Variants in PRKCA observed in about 807,000 individuals in gnomAD.
PRKCA encodes protein kinase C alpha.
Under a neutral mutation model 87.0 loss-of-function variants are expected in PRKCA, and 27 were observed. That is an observed-to-expected ratio of 0.31 (90% CI 0.23 to 0.43). The LOEUF (loss-of-function observed/expected upper bound fraction) is 0.43, where lower values mean the gene tolerates loss of function less well. Among genes scored for constraint, PRKCA ranks in the 20% least tolerant of loss-of-function variants. The pLI, the probability that PRKCA is intolerant of heterozygous loss-of-function variation, is 1.00. For synonymous variants in PRKCA, 329 were observed against 311.1 expected, an observed-to-expected ratio of 1.06 and a Z score of -0.61; for missense variants, 518 against 852.3, an observed-to-expected ratio of 0.61 and a Z score of 4.88.
intron 2 of PRKCA, among the ~76,000 whole-genome samples, chr17:66,470,389 C>A (rs4133864): frequency 0.075 from 9,256 of 123,152 alleles, 982 homozygotes; most frequent in African/African-American, 0.25. Flanking sequence ...CCACCATGCC[C>A]GTCTATTTTT....
chr17:66,733,070 G>T (rs1390087236), intron 9 of PRKCA, among the ~76,000 whole-genome samples: 1 of 149,384 alleles, frequency 6.7e-6, no homozygotes, highest in African/African-American at 2.5e-5. Flanking sequence ...AGAATGGCGT[G>T]AACCTGGGAG....
rs558043142 is a variant in PRKCA at position 66,411,552 on chromosome 17, G to C, written c.206-84649G>C. 1.3e-3 allele frequency among the ~76,000 whole-genome samples: 192 copies of C among 152,260 alleles called. 1 individual carries two copies. The highest frequency in any genetic ancestry group is 4.2e-3 in the African/African-American group (174 of 41,546). The stretch of plus-strand genomic sequence containing the variant: ...CAAGGCATGGTCTGTGGACTGCCGG[G>C]AGTCTACAAGACCAGAGGGTCTTTA... On this transcript the variant is annotated intron_variant, in intron 2 of 16. Transcript: ENST00000413366.
chr17:66,372,876 G>T (rs1909197815), intron 2 of PRKCA, among the ~76,000 whole-genome samples: 1 of 152,090 alleles, frequency 6.6e-6, no homozygotes, highest in Admixed American at 6.6e-5. Flanking sequence ...GCCCAACACG[G>T]TGAAAACCCT....
At chr17:66,556,323 C>CTTTTTTTTTT (rs61549626) in intron 3 of PRKCA, among the ~76,000 whole-genome samples, 2 of 129,000 alleles carry the variant, frequency 1.6e-5, no homozygotes, top group African/African-American at 2.9e-5. Context: ...CTTTCTTCTT[C>CTTTTTTTTTT]TTTTTTTTTT....
At chr17:66,342,633 A>T (rs1308527638) in intron 2 of PRKCA, among the ~76,000 whole-genome samples, 1 of 152,030 alleles carries the variant, frequency 6.6e-6, no homozygotes, top group Non-Finnish European at 1.5e-5. Context: ...AGTGTAACAG[A>T]GCCAAAGTCT....
chr17:66,333,811 G>A (rs2143300200), intron 2 of PRKCA, among the ~76,000 whole-genome samples: 1 of 152,218 alleles, frequency 6.6e-6, no homozygotes, highest in Admixed American at 6.5e-5. Context: ...TAACTTCGGA[G>A]AGTCTTTAGG....
chr17:66,793,196 G>C (rs910123880), intron 16 of PRKCA, among the ~76,000 whole-genome samples: 9 of 152,132 alleles, frequency 5.9e-5, no homozygotes, highest in African/African-American at 1.9e-4. Context: ...ACATGAGGAC[G>C]GTCAGCTCAT....
At chr17:66,551,376 C>T (rs150055471) in intron 3 of PRKCA, among the ~76,000 whole-genome samples, 69 of 152,326 alleles carry the variant, frequency 4.5e-4, no homozygotes, top group African/African-American at 1.1e-3. Context: ...GCTGGGGCTG[C>T]GGCCATCTCA....
intron 2 of PRKCA, among the ~76,000 whole-genome samples, chr17:66,324,884 A>G (rs181971485): frequency 2.0e-5 from 3 of 152,308 alleles, no homozygotes; most frequent in Non-Finnish European, 4.4e-5. Flanking sequence ...TCCAGTGGCC[A>G]TTACATATTG....
intron 2 of PRKCA, among the ~76,000 whole-genome samples, chr17:66,461,589 G>A (rs1644348569): frequency 6.6e-6 from 1 of 152,210 alleles, no homozygotes; most frequent in Non-Finnish European, 1.5e-5. Context: ...TGCAGCAAGT[G>A]AAGCTCAGAG....
chr17:66,492,006 C>A (rs951890425), intron 2 of PRKCA, among the ~76,000 whole-genome samples: 1 of 152,206 alleles, frequency 6.6e-6, no homozygotes, highest in Non-Finnish European at 1.5e-5. Flanking sequence ...CACTTTTTCT[C>A]CTTAGTCACC....
In PRKCA at chr17:66,764,674, A is replaced by G. The variant is rs187674571; in HGVS notation, c.1525-9313A>G. On this transcript the variant is annotated intron_variant, in intron 13 of 16. Coordinates refer to ENST00000413366, the MANE Select transcript of PRKCA (RefSeq NM_002737.3). ...GGTCTGTCTTTGAAGCCACAGCTCA[A>G]CCTCCCATGTGCAGCAGGGAAATCC... is the stretch of plus-strand genomic sequence containing the variant. 2.3e-3 allele frequency among the ~76,000 whole-genome samples: 347 copies of G among 152,206 alleles called. 1 individual carries two copies. The highest frequency in any genetic ancestry group is 7.6e-3 in the African/African-American group (316 of 41,522).
At chr17:66,503,120 G>A (rs192287008) in intron 3 of PRKCA, among the ~76,000 whole-genome samples, 12 of 152,324 alleles carry the variant, frequency 7.9e-5, no homozygotes, top group Admixed American at 5.9e-4. Context: ...GGGTGGTGGG[G>A]GAGAGAGTGG....
At chr17:66,681,168 G>T (rs1245463270) in intron 5 of PRKCA, among the ~76,000 whole-genome samples, 2 of 152,190 alleles carry the variant, frequency 1.3e-5, no homozygotes, top group Non-Finnish European at 2.9e-5. Context: ...GGCGGAAGTT[G>T]CAGTGAGCCA....
intron 3 of PRKCA, 119 bp from the exon 4 acceptor site, chr17:66,641,236 A>G (rs1971288968): frequency 1.5e-6 from 1 of 645,744 alleles, no homozygotes; most frequent in Admixed American, 2.5e-5. Context: ...AATGATGCAC[A>G]GTCTGGTGTT....
intron 2 of PRKCA, chr17:66,415,979 G>C (rs1428359945): frequency 1.3e-5 from 2 of 152,222 alleles, no homozygotes; most frequent in African/African-American, 4.8e-5. Flanking sequence ...CAGGCTGCAT[G>C]CATTCCCATT....
At chr17:66,318,602 C>T (rs1374635717) in intron 2 of PRKCA, among the ~76,000 whole-genome samples, 1 of 152,166 alleles carries the variant, frequency 6.6e-6, no homozygotes, top group Non-Finnish European at 1.5e-5. Flanking sequence ...CGCCTATAAT[C>T]CCAGCACTTT....
intron 8 of PRKCA, among the ~76,000 whole-genome samples, chr17:66,709,804 G>T (rs1377099433): frequency 6.6e-6 from 1 of 151,812 alleles, no homozygotes; most frequent in Non-Finnish European, 1.5e-5. Context: ...CTTATGTTTC[G>T]TCAGTCATCT....
Position 66,731,979 on chromosome 17 carries a change from G to A in PRKCA, c.919-709G>A, listed in dbSNP as rs192666976. ...TGATTTTTGTATTTTTGGTAGAGAC[G>A]GGGTTTCACCATGTTGGCCAGGCTG... On this transcript the variant is annotated intron_variant, in intron 8 of 16. Transcript: ENST00000413366. Among the ~76,000 whole-genome samples the A allele has an allele frequency of 9.0e-3, 1,353 of 150,898 alleles. 21 individuals are homozygous for A. Among genetic ancestry groups the A allele is most frequent in the African/African-American group, 0.031 (1,295 of 41,130 alleles).
Sources: gnomAD v4.1 joint callset for allele counts (sites outside exome capture counted in the v4.1 genomes callset) on GRCh38, gnomAD v4.1.1 for gene constraint, MANE v1.5 for transcripts, NCBI Gene and HGNC (gene_info 2026-07-23, HGNC 2026-07-21) for gene names.